Variants in INSR observed in about 807,000 individuals in gnomAD.
The protein encoded by INSR is insulin receptor.
In INSR, 67 loss-of-function variants were observed where a neutral mutation model predicts 142.6. The ratio of observed to expected loss-of-function variants is 0.47; its 90% confidence interval spans 0.39 to 0.58. The LOEUF (loss-of-function observed/expected upper bound fraction) is 0.58. Among genes scored for constraint, INSR ranks in the 20% least tolerant of loss-of-function variants. INSR has a pLI of 0.00. For synonymous variants in INSR, 756 were observed against 743.1 expected, an observed-to-expected ratio of 1.02 and a Z score of -0.28; for missense variants, 1,248 against 1,833.2, an observed-to-expected ratio of 0.68 and a Z score of 5.83.
intron 3 of INSR, among the ~76,000 whole-genome samples, chr19:7,179,631 T>G (rs1032159551): frequency 1.3e-5 from 2 of 152,200 alleles, no homozygotes; most frequent in Admixed American, 1.3e-4. Context: ...TATGGCCACA[T>G]TTATTGGTTA....
chr19:7,162,776 C>T (rs562941744), intron 9 of INSR, among the ~76,000 whole-genome samples: 67 of 145,584 alleles, frequency 4.6e-4, no homozygotes, highest in Non-Finnish European at 7.4e-4. Flanking sequence ...GCCAAGGTCG[C>T]GTCATTGCAC....
intron 9 of INSR, among the ~76,000 whole-genome samples, chr19:7,160,253 C>G (rs2144921314): frequency 6.6e-6 from 1 of 152,214 alleles, no homozygotes; most frequent in East Asian, 1.9e-4. Flanking sequence ...CTCCCGGGTT[C>G]AAGCGATTCT....
At chr19:7,284,911 C>A (rs996225098) in intron 1 of INSR, among the ~76,000 whole-genome samples, 1 of 152,188 alleles carries the variant, frequency 6.6e-6, no homozygotes, top group African/African-American at 2.4e-5. Flanking sequence ...TCTTACTTGA[C>A]CTCACATTTG....
chr19:7,153,012 A>ACCCCCC, intron 9 of INSR, 85 bp from the exon 10 acceptor site: 1 of 541,752 alleles, frequency 1.8e-6, no homozygotes, highest in Non-Finnish European at 2.9e-6. Flanking sequence ...ACACACACAC[A>ACCCCCC]CCACACACAC....
chr19:7,280,081 A>T (rs1311089864), intron 1 of INSR, among the ~76,000 whole-genome samples: 1 of 150,800 alleles, frequency 6.6e-6, no homozygotes, highest in African/African-American at 2.4e-5. Context: ...CTGGCTAACA[A>T]GGTGAAACTC....
At chr19:7,128,271 G>A (rs1972693021) in intron 15 of INSR, among the ~76,000 whole-genome samples, 1 of 150,858 alleles carries the variant, frequency 6.6e-6, no homozygotes, top group African/African-American at 2.4e-5. Flanking sequence ...AGAATGCAAT[G>A]GTGCGATTTC....
At position 7,113,389 on chromosome 19, in the gene INSR, T is replaced by C. The variant is rs1021974149; in HGVS notation, c.*3667A>G. On this transcript the variant is annotated 3_prime_UTR_variant, in exon 22 of 22. Transcript: ENST00000302850. Reference sequence around the variant, plus strand: ...TTCTCTCAATCATCCTCAGCCTATATCCAGACAAGCAGCAGTGCTTCTCTT... The same window carrying C: ...TTCTCTCAATCATCCTCAGCCTATACCCAGACAAGCAGCAGTGCTTCTCTT... 6.6e-6 allele frequency: 1 copy of C among 152,142 alleles called. No homozygotes were observed. The highest frequency in any genetic ancestry group is 1.5e-5 in the Non-Finnish European group (1 of 68,048). 9.4% of individuals were successfully genotyped at this position (152,142 alleles called of 1,614,324 possible). A position where few individuals can be genotyped will look rare whatever the true frequency, so the allele number is the denominator to read the frequency against.
chr19:7,183,130 A>G (rs1346167351), intron 3 of INSR, among the ~76,000 whole-genome samples: 1 of 152,110 alleles, frequency 6.6e-6, no homozygotes, highest in East Asian at 1.9e-4. Context: ...CACCCAGGGA[A>G]ATACAATTTC....
At chr19:7,280,988 A>G (rs1236632970) in intron 1 of INSR, among the ~76,000 whole-genome samples, 1 of 152,176 alleles carries the variant, frequency 6.6e-6, no homozygotes, top group African/African-American at 2.4e-5. Flanking sequence ...TCCCACAGCC[A>G]CCCGGACACC....
chr19:7,125,220 G>A lies in INSR; in HGVS notation c.3258+63C>T. ...TGTCCTCTGTCGCTCTGTGCAGGAG[G>A]AGGAGGCAGAGAAAGGGAAGGGTCA... On this transcript the variant is annotated intron_variant, in intron 17 of 21. Transcript: ENST00000302850. The surrounding 1 kb of genome is among the most constrained non-coding windows in gnomAD (Gnocchi z 4.9). 3.1e-6 allele frequency: 5 copies of A among 1,602,268 alleles called. No homozygotes were observed. Among genetic ancestry groups the A allele is most frequent in the South Asian group, 1.1e-5 (1 of 90,548 alleles).
rs1020155574 is a variant in INSR, at chr19:7,216,599, T to C, written c.653-31962A>G. On this transcript the variant is annotated intron_variant, in intron 2 of 21. Transcript: ENST00000302850. The surrounding 1 kb of genome is among the most constrained non-coding windows in gnomAD (Gnocchi z 4.2). Reference sequence around the variant, plus strand: ...GAAGGAACAAATTGCCACGGTGTAATGGAGCCACTGCAGGTGTCCCCAGAA... The same window carrying C: ...GAAGGAACAAATTGCCACGGTGTAACGGAGCCACTGCAGGTGTCCCCAGAA... Among the ~76,000 whole-genome samples, 3 of 152,094 alleles carry C rather than the reference T, an allele frequency of 2.0e-5. No homozygotes were observed. The highest frequency in any genetic ancestry group is 4.1e-4 in the South Asian group (2 of 4,830).
intron 2 of INSR, among the ~76,000 whole-genome samples, chr19:7,254,832 G>T (rs537556346): frequency 6.6e-6 from 1 of 152,228 alleles, no homozygotes; most frequent in South Asian, 2.1e-4. Context: ...GGAAGTAACC[G>T]GTCAGTGAGT....
chr19:7,182,289 G>C (rs1029641855), intron 3 of INSR, among the ~76,000 whole-genome samples: 2 of 151,894 alleles, frequency 1.3e-5, no homozygotes, highest in African/African-American at 4.8e-5. Context: ...AGCCAAGATC[G>C]CACCATTGCA....
At chr19:7,261,750 C>T (rs1185839743) in intron 2 of INSR, among the ~76,000 whole-genome samples, 4 of 152,064 alleles carry the variant, frequency 2.6e-5, no homozygotes, top group Non-Finnish European at 5.9e-5. Context: ...AGGCTGGTCT[C>T]GAACTCCTGA....
At chr19:7,200,859 CAAAAAA>C (rs59770137) in intron 2 of INSR, among the ~76,000 whole-genome samples, 1 of 76,306 alleles carries the variant, frequency 1.3e-5, no homozygotes. Context: ...GACCTTATCT[CAAAAAA>C]AAAAAAAAAA....
chr19:7,271,366 G>A (rs541619748), intron 1 of INSR, among the ~76,000 whole-genome samples: 6 of 152,238 alleles, frequency 3.9e-5, no homozygotes, highest in Admixed American at 2.6e-4. Context: ...TGGGCGTGGT[G>A]GCAGGCGCAT....
intron 2 of INSR, among the ~76,000 whole-genome samples, chr19:7,228,229 A>G (rs1193405343): frequency 1.3e-5 from 2 of 152,234 alleles, no homozygotes; most frequent in Non-Finnish European, 2.9e-5. Context: ...ACACTTGGCC[A>G]GAAGCAACAA....
At chr19:7,160,483 T>C (rs1973719013) in intron 9 of INSR, among the ~76,000 whole-genome samples, 1 of 151,892 alleles carries the variant, frequency 6.6e-6, no homozygotes, top group African/African-American at 2.4e-5. Context: ...AGGTATAGTG[T>C]CTCAGGCCTG....
chr19:7,270,987 G>A (rs943364856), intron 1 of INSR, among the ~76,000 whole-genome samples: 2 of 146,962 alleles, frequency 1.4e-5, no homozygotes, highest in Admixed American at 6.8e-5. Flanking sequence ...GCATGAACCC[G>A]GGAGGCGGAG....
Sources: gnomAD v4.1 joint callset for allele counts (sites outside exome capture counted in the v4.1 genomes callset) on GRCh38, gnomAD v4.1.1 for gene constraint, Gnocchi (gnomAD v3.1) non-coding constraint, MANE v1.5 for transcripts, NCBI Gene and HGNC (gene_info 2026-07-23, HGNC 2026-07-21) for gene names.